Variants in ABCD2 observed in about 807,000 individuals in gnomAD.
ABCD2 encodes the protein ATP binding cassette subfamily D member 2, also known as ATP-binding cassette sub-family D member 2.
In ABCD2, 36 loss-of-function variants were observed where a neutral mutation model predicts 70.9. The observed-to-expected ratio is 0.51, with a 90% CI of 0.39 to 0.67. The LOEUF is 0.67. ABCD2 is among the 30% of genes least tolerant of loss of function. The pLI is 0.00. For missense variants in ABCD2, 729 were observed against 890.2 expected, an observed-to-expected ratio of 0.82 and a Z score of 2.30; for synonymous variants, 304 against 306.9, an observed-to-expected ratio of 0.99 and a Z score of 0.10.
the ABCD2 span, among the ~76,000 whole-genome samples, chr12:39,536,523 T>C: frequency 1.3e-5 from 2 of 152,262 alleles, no homozygotes; most frequent in Non-Finnish European, 2.9e-5. Flanking sequence ...TTATATACAT[T>C]GAACATGCTA....
chr12:39,604,972 A>C (rs1238928070), intron 3 of ABCD2, 42 bp from the exon 4 acceptor site: 4 of 1,436,788 alleles, frequency 2.8e-6, no homozygotes, highest in Non-Finnish European at 3.7e-6. Flanking sequence ...TACTATATCC[A>C]AGACAATATT....
At chr12:39,581,517 ATTT>A (rs1941595711) in intron 7 of ABCD2, among the ~76,000 whole-genome samples, 3 of 152,160 alleles carry the variant, frequency 2.0e-5, no homozygotes, top group African/African-American at 7.2e-5. Flanking sequence ...ATACCATCTG[ATTT>A]AGAGTTCTTG....
chr12:39,613,157 C>A (rs1465847446), intron 2 of ABCD2, among the ~76,000 whole-genome samples: 1 of 87,598 alleles, frequency 1.1e-5, no homozygotes, highest in Non-Finnish European at 2.1e-5. Context: ...GAGGCCGAGG[C>A]GGGCGGATCA....
At chr12:39,602,793 C>G (rs1226277698) in intron 5 of ABCD2, among the ~76,000 whole-genome samples, 1 of 151,778 alleles carries the variant, frequency 6.6e-6, no homozygotes, top group East Asian at 1.9e-4. Flanking sequence ...AAAGCTCAAG[C>G]CATGTACACT....
chr12:39,536,687 A>C, the ABCD2 span, among the ~76,000 whole-genome samples: 1 of 152,156 alleles, frequency 6.6e-6, no homozygotes, highest in East Asian at 1.9e-4. Context: ...CAAGAAACTT[A>C]ACTGGACAAC....
At chr12:39,578,572 G>A (rs1941553068) in intron 8 of ABCD2, among the ~76,000 whole-genome samples, 1 of 151,720 alleles carries the variant, frequency 6.6e-6, no homozygotes, top group Non-Finnish European at 1.5e-5. Context: ...GGAGTTGGGA[G>A]GGGGAATGGA....
At chr12:39,589,533 G>A (rs1322630790) in intron 6 of ABCD2, among the ~76,000 whole-genome samples, 2 of 151,884 alleles carry the variant, frequency 1.3e-5, no homozygotes, top group African/African-American at 2.4e-5. Flanking sequence ...GACTACAGGC[G>A]TCTGTCACCA....
chr12:39,570,911 A>G (rs1441181430), intron 9 of ABCD2, among the ~76,000 whole-genome samples: 1 of 152,186 alleles, frequency 6.6e-6, no homozygotes, highest in African/African-American at 2.4e-5. Context: ...AAAATGAATA[A>G]CCTGATTACA....
Position 39,586,290 on chromosome 12 carries a change from T to C in ABCD2, c.1654A>G (p.Met552Val). The change falls in exon 7 of 10, where the codon ATG becomes GTG. Residue 552 changes from methionine (M) to valine (V), a missense_variant. Around this residue, in one of 3 missense-constraint regions of ABCD2, gnomAD observed 289 missense variants for 328.8 expected, o/e 0.88. Transcript: ENST00000308666. ...HMFYIPQRPY[M>V]SLGSLRDQVI... ...TGATCCCGAAGACTTCCAAGAGACA[T>C]ATATGGCCTTTAAAACACCAAGCAC... is the stretch of plus-strand genomic sequence containing the variant. 1 of 1,609,518 alleles carries C rather than the reference T, an allele frequency of 6.2e-7. No individual in the cohort carries two copies. The highest frequency in any genetic ancestry group is 8.5e-7 in the Non-Finnish European group (1 of 1,178,352).
the ABCD2 span, among the ~76,000 whole-genome samples, chr12:39,543,341 CCTCT>C: frequency 6.6e-6 from 1 of 152,116 alleles, no homozygotes; most frequent in African/African-American, 2.4e-5. Context: ...TTACTCCTCT[CCTCT>C]CTAAGTATAA....
Position 39,619,586 on chromosome 12 carries a change from A to G in ABCD2, c.30T>C (p.Asp10=). MTHMLNAAA[D]RVKWTRSSAA... is the part of the protein sequence containing the mutation. ...CACTCGATCTGGTCCATTTCACTCG[A>G]TCAGCTGCTGCATTTAGCATATGTG... Residue 10 remains aspartate (D), a synonymous_variant, in exon 1 of 10, where the codon GAT becomes GAC. Transcript: ENST00000308666. The G allele has an allele frequency of 1.9e-6, 3 of 1,610,342 alleles. No homozygotes were observed. The highest frequency in any genetic ancestry group is 2.5e-6 in the Non-Finnish European group (3 of 1,179,894).
intron 7 of ABCD2, among the ~76,000 whole-genome samples, chr12:39,583,443 A>AT (rs1397330148): frequency 6.6e-6 from 1 of 152,154 alleles, no homozygotes; most frequent in Non-Finnish European, 1.5e-5. Flanking sequence ...TATTTCAGTC[A>AT]TTTTTCTAAA....
chr12:39,583,973 G>T (rs912934612), intron 7 of ABCD2, among the ~76,000 whole-genome samples: 9 of 152,124 alleles, frequency 5.9e-5, no homozygotes, highest in Non-Finnish European at 1.2e-4. Flanking sequence ...TGTGTATAGT[G>T]CTGTGATGAA....
At chr12:39,541,083 A>G in the ABCD2 span, among the ~76,000 whole-genome samples, 1 of 152,196 alleles carries the variant, frequency 6.6e-6, no homozygotes, top group Non-Finnish European at 1.5e-5. Flanking sequence ...CTAGGAGAAA[A>G]TCTAGAGCCA....
At chr12:39,603,884 A>G (rs1591994172) in intron 5 of ABCD2, 28 bp downstream of exon 5, 1 of 1,519,136 alleles carries the variant, frequency 6.6e-7, no homozygotes, top group African/African-American at 1.4e-5. Flanking sequence ...GATGGCAACA[A>G]TCAGAAGATT....
chr12:39,577,522 GGAGA>G (rs1327052539), intron 8 of ABCD2, among the ~76,000 whole-genome samples: 2 of 152,096 alleles, frequency 1.3e-5, no homozygotes, highest in African/African-American at 4.8e-5. Flanking sequence ...CCTGGGAGGA[GGAGA>G]GACTCTTTAG....
chr12:39,563,897 G>A (rs918929102), intron 9 of ABCD2, among the ~76,000 whole-genome samples: 12 of 152,176 alleles, frequency 7.9e-5, no homozygotes, highest in Admixed American at 3.9e-4. Flanking sequence ...TTGTCCTTGC[G>A]ATAGTTTGCT....
the ABCD2 span, among the ~76,000 whole-genome samples, chr12:39,541,283 G>T: frequency 6.6e-6 from 1 of 152,196 alleles, no homozygotes; most frequent in Non-Finnish European, 1.5e-5. Flanking sequence ...GTGCTGTTAT[G>T]AGAATTAAAC....
chr12:39,568,250 C>G (rs956328161), intron 9 of ABCD2, among the ~76,000 whole-genome samples: 2 of 152,218 alleles, frequency 1.3e-5, no homozygotes, highest in African/African-American at 2.4e-5. Context: ...CTCCCCGTCA[C>G]TTTCAGGTAC....
Sources: allele counts gnomAD v4.1 joint callset (sites outside exome capture counted in the v4.1 genomes callset), GRCh38; gene constraint gnomAD v4.1.1; regional missense constraint gnomAD v4.1.1; transcripts MANE v1.5; gene names NCBI Gene and HGNC (gene_info 2026-07-23, HGNC 2026-07-21).